APBB2: variants seen among roughly 807,000 people sequenced by gnomAD.
APBB2 encodes the protein amyloid beta precursor protein binding family B member 2, also known as Fe65-like 1.
In APBB2, 38 loss-of-function variants were observed where a neutral mutation model predicts 82.5. That is an observed-to-expected ratio of 0.46 (90% CI 0.36 to 0.60). The LOEUF (loss-of-function observed/expected upper bound fraction) is 0.60, where lower values mean the gene tolerates loss of function less well. Among genes scored for constraint, APBB2 ranks in the 20% least tolerant of loss-of-function variants. The probability of loss-of-function intolerance (pLI) is 0.00; values close to 1 mark genes in which losing one functional copy is unlikely to be tolerated. For missense variants in APBB2, 772 were observed against 972.3 expected, an observed-to-expected ratio of 0.79 and a Z score of 2.74; for synonymous variants, 341 against 368.2, an observed-to-expected ratio of 0.93 and a Z score of 0.85.
At chr4:41,166,899 A>G (rs1347376782) in intron 1 of APBB2, among the ~76,000 whole-genome samples, 9 of 152,162 alleles carry the variant, frequency 5.9e-5, no homozygotes, top group Non-Finnish European at 1.5e-5. Flanking sequence ...AAAATTTAAA[A>G]AAACTGTTTT....
chr4:41,137,773 G>C (rs1224801360), intron 2 of APBB2, among the ~76,000 whole-genome samples: 3 of 152,012 alleles, frequency 2.0e-5, no homozygotes, highest in African/African-American at 7.3e-5. Flanking sequence ...TCTGCAAATG[G>C]TGCTAAGACC....
At chr4:40,828,821 G>A (rs373994914) in intron 13 of APBB2, among the ~76,000 whole-genome samples, 1 of 152,238 alleles carries the variant, frequency 6.6e-6, no homozygotes, top group Non-Finnish European at 1.5e-5. Context: ...CCCATCGTGG[G>A]ATTCAGAGCA....
chr4:41,194,106 A>G, intron 1 of APBB2: 1 of 151,854 alleles, frequency 6.6e-6, no homozygotes, highest in Non-Finnish European at 1.5e-5. Context: ...ATCTTTGAGG[A>G]GTTTGAAACC....
chr4:41,157,017 G>A lies in APBB2; in HGVS notation c.-416-13875C>T, dbSNP rs187389706. 3.7e-3 allele frequency among the ~76,000 whole-genome samples: 538 copies of A among 145,644 alleles called. 1 individual carries two copies. The highest frequency in any genetic ancestry group is 7.4e-3 in the Middle Eastern group (2 of 270). ...GGAGGCAGAGGTTGCAGTGACCCAA[G>A]ATCACGCCACTGCACTCCAGCCTAG... On this transcript the variant is annotated intron_variant, in intron 1 of 17. Coordinates refer to ENST00000508593, the MANE Select transcript of APBB2 (RefSeq NM_004307.2).
At chr4:40,851,239 C>T (rs1759242557) in intron 12 of APBB2, among the ~76,000 whole-genome samples, 1 of 152,134 alleles carries the variant, frequency 6.6e-6, no homozygotes, top group Admixed American at 6.5e-5. Flanking sequence ...ACTGTTCCAC[C>T]AAGATGCAAG....
chr4:41,125,450 C>A (rs1754094449), intron 2 of APBB2, among the ~76,000 whole-genome samples: 1 of 151,950 alleles, frequency 6.6e-6, no homozygotes, highest in African/African-American at 2.4e-5. Context: ...GTTGGGTGTC[C>A]CAGCAACCCA....
At chr4:40,845,358 G>A (rs779575688) in intron 12 of APBB2, among the ~76,000 whole-genome samples, 6 of 152,112 alleles carry the variant, frequency 3.9e-5, no homozygotes, top group Non-Finnish European at 5.9e-5. Flanking sequence ...AGTGCCAGGC[G>A]TAAGTCTACT....
chr4:41,063,361 T>A (rs1174339673), intron 4 of APBB2, among the ~76,000 whole-genome samples: 2 of 152,224 alleles, frequency 1.3e-5, no homozygotes, highest in Admixed American at 6.5e-5. Flanking sequence ...ATGGGCTGGA[T>A]CTGACCTATT....
chr4:40,967,372 C>T (rs1375843548), intron 6 of APBB2, among the ~76,000 whole-genome samples: 2 of 152,172 alleles, frequency 1.3e-5, no homozygotes, highest in African/African-American at 4.8e-5. Flanking sequence ...ACGTTGCAGG[C>T]AATGAGAAAA....
At chr4:41,032,515 T>C (rs997258284) in intron 5 of APBB2, among the ~76,000 whole-genome samples, 1 of 144,908 alleles carries the variant, frequency 6.9e-6, no homozygotes, top group Non-Finnish European at 1.5e-5. Context: ...GCGGGGGGGG[T>C]TTCTGTCTAA....
At chr4:40,941,111 T>A (rs1323242397) in intron 7 of APBB2, among the ~76,000 whole-genome samples, 1 of 151,888 alleles carries the variant, frequency 6.6e-6, no homozygotes, top group Admixed American at 6.6e-5. Context: ...TGAAGCCTAG[T>A]CAACAGATTT....
intron 10 of APBB2, among the ~76,000 whole-genome samples, chr4:40,923,495 C>T (rs907206328): frequency 5.9e-5 from 9 of 152,184 alleles, no homozygotes; most frequent in African/African-American, 1.7e-4. Flanking sequence ...ATGGATGTCC[C>T]ATGGCTACTC....
rs932467242 is a variant in APBB2, at chr4:40,981,717, T to C, written c.835+31866A>G. On this transcript the variant is annotated intron_variant, in intron 6 of 17. Coordinates refer to ENST00000508593, the MANE Select transcript of APBB2 (RefSeq NM_004307.2). ...CCATACTCACTCCAATTGGAGCCCC[T>C]GTAATTCTTCCACTGCAGCAGTTAC... Among the ~76,000 whole-genome samples, 30 of 152,200 alleles carry C rather than the reference T, an allele frequency of 2.0e-4. 1 individual carries two copies. The highest frequency in any genetic ancestry group is 3.8e-4 in the Non-Finnish European group (26 of 68,034).
chr4:40,864,853 CTT>C lies in APBB2; in HGVS notation c.1529+25509_1529+25510del, dbSNP rs571511868. Among the ~76,000 whole-genome samples, 342 of 125,210 alleles carry C rather than the reference CTT, an allele frequency of 2.7e-3. 4 individuals are homozygous for C. Among genetic ancestry groups the C allele is most frequent in the African/African-American group, 8.3e-3 (278 of 33,516 alleles). The allele number at this position is 125,210 out of a possible 152,430, so 82.1% of individuals were successfully genotyped here. Reference sequence around the variant, plus strand: ...AAGGGAGTCAGCACAACGTTTGATTCTTTTTTTTTTTTTTTTTTTTTTAGAGA... The same window carrying C: ...AAGGGAGTCAGCACAACGTTTGATTCTTTTTTTTTTTTTTTTTTTTAGAGA... On this transcript the variant is annotated intron_variant, in intron 12 of 17. Coordinates refer to ENST00000508593, the MANE Select transcript of APBB2 (RefSeq NM_004307.2).
chr4:40,934,888 A>T (rs974389109), intron 8 of APBB2, 189 bp from the exon 9 acceptor site: 1 of 675,960 alleles, frequency 1.5e-6, no homozygotes, highest in East Asian at 2.7e-5. Context: ...ACAACGGGGA[A>T]CCTAGGGCAT....
chr4:40,819,921 C>G (rs1199993863), intron 17 of APBB2, among the ~76,000 whole-genome samples: 1 of 152,188 alleles, frequency 6.6e-6, no homozygotes, highest in East Asian at 1.9e-4. Context: ...GAGCCATCCT[C>G]CCACCTTAGC....
At chr4:41,136,703 G>A (rs769231475) in intron 2 of APBB2, among the ~76,000 whole-genome samples, 18 of 152,166 alleles carry the variant, frequency 1.2e-4, no homozygotes, top group Admixed American at 3.9e-4. Flanking sequence ...TAGCATGACT[G>A]TAATCTCCAG....
Position 40,982,221 on chromosome 4 carries a change from G to GAAAAGAAAGAAAGAAAGAAA in APBB2, c.835+31361_835+31362insTTTCTTTCTTTCTTTCTTTT, listed in dbSNP as rs766666523. 4.1e-3 allele frequency among the ~76,000 whole-genome samples: 53 copies of GAAAAGAAAGAAAGAAAGAAA among 12,904 alleles called. 14 individuals carry two copies. Among genetic ancestry groups the GAAAAGAAAGAAAGAAAGAAA allele is most frequent in the Middle Eastern group, 0.091 (2 of 22 alleles). 8.5% of individuals were successfully genotyped at this position (12,904 alleles called of 152,430 possible). On this transcript the variant is annotated intron_variant, in intron 6 of 17. Coordinates refer to ENST00000508593, the MANE Select transcript of APBB2 (RefSeq NM_004307.2). ...AAAGAAAGAAAAGAAAGAAAAGAAA[G>GAAAAGAAAGAAAGAAAGAAA]GAAAGAAAGAAAGAAAGAAAGAAAG...
intron 12 of APBB2, among the ~76,000 whole-genome samples, chr4:40,844,347 G>T (rs1314021001): frequency 1.3e-5 from 2 of 152,192 alleles, no homozygotes; most frequent in Non-Finnish European, 2.9e-5. Flanking sequence ...AATGCTCAGG[G>T]GCATTATAAG....
Sources: allele counts gnomAD v4.1 joint callset (sites outside exome capture counted in the v4.1 genomes callset), GRCh38; gene constraint gnomAD v4.1.1; transcripts MANE v1.5; gene names NCBI Gene and HGNC (gene_info 2026-07-23, HGNC 2026-07-21).